The following SHISAL1 variants were observed in gnomAD, a reference collection of about 807,000 sequenced individuals.
SHISAL1 encodes the protein shisa like 1.
A neutral mutation model predicts 22.6 loss-of-function variants in SHISAL1; 9 were observed. That is an observed-to-expected ratio of 0.40 (90% CI 0.24 to 0.70). SHISAL1 has a LOEUF of 0.70. Ranked by LOEUF, SHISAL1 falls within the 30% of genes least tolerant of loss-of-function variation. The probability of loss-of-function intolerance (pLI) is 0.39; values close to 1 mark genes in which losing one functional copy is unlikely to be tolerated. For synonymous variants in SHISAL1, 119 were observed against 115.4 expected (o/e 1.03, Z -0.20); for missense variants, 246 against 270.6 (o/e 0.91, Z 0.64).
chr22:44,329,546 G>A, the SHISAL1 span, among the ~76,000 whole-genome samples: 1 of 152,294 alleles, frequency 6.6e-6, no homozygotes, highest in South Asian at 2.1e-4. Context: ...TGCCAGGAAC[G>A]CAGCGTGAAG....
intron 3 of SHISAL1, among the ~76,000 whole-genome samples, chr22:44,291,953 C>T (rs896751846): frequency 1.3e-5 from 2 of 152,172 alleles, no homozygotes; most frequent in African/African-American, 4.8e-5. Flanking sequence ...CTGCCCCACC[C>T]CTCTCTCTGC....
At chr22:44,321,872 G>A in the SHISAL1 span, among the ~76,000 whole-genome samples, 63 of 152,212 alleles carry the variant, frequency 4.1e-4, no homozygotes, top group African/African-American at 1.2e-3. Flanking sequence ...CCGGCCCTTC[G>A]GAGCACTCTG....
In SHISAL1 at chr22:44,310,549, C is replaced by T. The variant is rs2055511128; in HGVS notation, c.-33+2202G>A. ...TCATCTGTGAAACGGGAGCCGTGCC[C>T]CACACCTTGCAGGTATACCAAACAT... is the stretch of plus-strand genomic sequence containing the variant. On this transcript the variant is annotated intron_variant, in intron 1 of 4. Transcript: ENST00000381176. The surrounding 1 kb of genome is among the most constrained non-coding windows in gnomAD (Gnocchi z 4.0). Among the ~76,000 whole-genome samples, 1 of 152,142 alleles carries T rather than the reference C, an allele frequency of 6.6e-6. No individual in the cohort carries two copies. The highest frequency in any genetic ancestry group is 2.1e-4 in the South Asian group (1 of 4,830).
chr22:44,276,039 G>C lies in SHISAL1; in HGVS notation c.599+9389C>G, dbSNP rs57574007. Among the ~76,000 whole-genome samples the C allele has an allele frequency of 5.9e-3, 896 of 152,302 alleles. 11 individuals are homozygous for C. The highest frequency in any genetic ancestry group is 0.02 in the African/African-American group (841 of 41,550). Reference sequence around the variant, plus strand: ...GAAACACCAATCCCAACTCTCCCGCGTTTTCCATCCAGTGGAGGAGACAGG... The same window carrying C: ...GAAACACCAATCCCAACTCTCCCGCCTTTTCCATCCAGTGGAGGAGACAGG... On this transcript the variant is annotated intron_variant, in intron 4 of 4. Transcript: ENST00000381176.
intron 1 of SHISAL1, among the ~76,000 whole-genome samples, chr22:44,307,465 AC>A (rs1010575494): frequency 1.8e-4 from 28 of 152,136 alleles, no homozygotes; most frequent in African/African-American, 6.5e-4. Context: ...CCTCCTGAGG[AC>A]CCCCAGAAAG....
chr22:44,314,906 G>A (rs1468610996), upstream of SHISAL1, among the ~76,000 whole-genome samples: 1 of 152,182 alleles, frequency 6.6e-6, no homozygotes, highest in Non-Finnish European at 1.5e-5. Context: ...TATGAGGCTA[G>A]AGAGAAAGTA....
At chr22:44,299,258 G>A (rs1055383053) in intron 2 of SHISAL1, among the ~76,000 whole-genome samples, 5 of 152,204 alleles carry the variant, frequency 3.3e-5, no homozygotes, top group African/African-American at 1.2e-4. Flanking sequence ...GCAAAGGAGA[G>A]AGCCGCATTT....
chr22:44,315,174 T>C (rs2055550290), upstream of SHISAL1, among the ~76,000 whole-genome samples: 1 of 152,092 alleles, frequency 6.6e-6, no homozygotes, highest in Non-Finnish European at 1.5e-5. Context: ...CGAGGGCGAA[T>C]ACCAGGAAGC....
chr22:44,331,178 G>A, the SHISAL1 span, among the ~76,000 whole-genome samples: 1 of 152,002 alleles, frequency 6.6e-6, no homozygotes, highest in Non-Finnish European at 1.5e-5. The surrounding 1 kb of genome is among the most constrained non-coding windows in gnomAD (Gnocchi z 5.2). Context: ...ACCTTGGTGA[G>A]CGCCGGCGCG....
chr22:44,299,327 T>C (rs1023963786), intron 2 of SHISAL1, among the ~76,000 whole-genome samples: 22 of 152,180 alleles, frequency 1.4e-4, no homozygotes, highest in Admixed American at 2.6e-4. Flanking sequence ...ACGTAACTCC[T>C]GCATCTGGAT....
rs1274271800 is a variant in SHISAL1, at chr22:44,300,937, A to G, written c.9T>C (p.Ser3=). 4.3e-6 allele frequency: 7 copies of G among 1,614,032 alleles called. No individual in the cohort carries two copies. The highest frequency in any genetic ancestry group is 5.9e-6 in the Non-Finnish European group (7 of 1,179,998). MT[S]CGQQSLNVLA... ...GCACGTTCAAGGACTGCTGGCCACA[A>G]CTGGTCATCGTCTGGCTTGCATTGA... The change falls in exon 2 of 5, where the codon AGT becomes AGC. Residue 3 remains serine, a synonymous_variant. Transcript: ENST00000381176.
At chr22:44,258,908 G>A (rs1358493668) in intron 4 of SHISAL1, among the ~76,000 whole-genome samples, 1 of 152,144 alleles carries the variant, frequency 6.6e-6, no homozygotes, top group African/African-American at 2.4e-5. Flanking sequence ...GGGGGGTCAG[G>A]GGGCAGGTAC....
At chr22:44,254,506 G>A (rs2055071205) in intron 4 of SHISAL1, among the ~76,000 whole-genome samples, 2 of 152,116 alleles carry the variant, frequency 1.3e-5, no homozygotes, top group Non-Finnish European at 2.9e-5. Flanking sequence ...GACTACAGGT[G>A]TGCACCACCA....
rs571575583 is a variant in SHISAL1 at position 44,291,083 on chromosome 22, A to G, written c.282-5338T>C. 5.3e-5 allele frequency among the ~76,000 whole-genome samples: 8 copies of G among 152,328 alleles called. No individual in the cohort carries two copies. The East Asian group carries it at 1.5e-3, about 29-fold the overall frequency. On this transcript the variant is annotated intron_variant, in intron 3 of 4. Coordinates refer to ENST00000381176, the MANE Select transcript of SHISAL1 (RefSeq NM_001099294.2). ...TTGGACAAGTGACGTGCTTTGGCCA[A>G]TAAAACATGAGCAAAAATGCTGTGG...
At chr22:44,291,952 C>T (rs1294783293) in intron 3 of SHISAL1, among the ~76,000 whole-genome samples, 1 of 152,178 alleles carries the variant, frequency 6.6e-6, no homozygotes, top group Non-Finnish European at 1.5e-5. Context: ...CCTGCCCCAC[C>T]CCTCTCTCTG....
chr22:44,296,180 C>T lies in SHISAL1; in HGVS notation c.281+492G>A, dbSNP rs575984005. Among the ~76,000 whole-genome samples, 12 of 135,878 alleles carry T rather than the reference C, an allele frequency of 8.8e-5. No individual in the cohort carries two copies. In the East Asian group the frequency reaches 1.5e-3, roughly 17 times the overall value. 89.1% of individuals were successfully genotyped at this position (135,878 alleles called of 152,430 possible). A position where few individuals can be genotyped will look rare whatever the true frequency, so the allele number is the denominator to read the frequency against. On this transcript the variant is annotated intron_variant, in intron 3 of 4. Transcript: ENST00000381176. ...CCCTCTTTTCTTTTCTTTTTTGAGA[C>T]GGAGTTTCACTCTTGTCACCCAGGC...
intron 4 of SHISAL1, among the ~76,000 whole-genome samples, chr22:44,250,932 G>A (rs74528392): frequency 0.013 from 1,975 of 152,296 alleles, 39 homozygotes; most frequent in African/African-American, 0.044. Context: ...TGAGTGATAC[G>A]CCAAGAGGCA....
chr22:44,292,267 T>C (rs556610196), intron 3 of SHISAL1, among the ~76,000 whole-genome samples: 34 of 152,270 alleles, frequency 2.2e-4, no homozygotes, highest in African/African-American at 5.5e-4. Flanking sequence ...GGGAGTCACA[T>C]TGTCCTAGTC....
At chr22:44,267,061 G>C (rs893782187) in intron 4 of SHISAL1, among the ~76,000 whole-genome samples, 4 of 152,060 alleles carry the variant, frequency 2.6e-5, no homozygotes, top group African/African-American at 9.7e-5. Context: ...TGGAGCCCAC[G>C]GATTGCACCT....
Sources: gnomAD v4.1 joint callset for allele counts (sites outside exome capture counted in the v4.1 genomes callset) on GRCh38, gnomAD v4.1.1 for gene constraint, Gnocchi (gnomAD v3.1) non-coding constraint, MANE v1.5 for transcripts, NCBI Gene and HGNC (gene_info 2026-07-23, HGNC 2026-07-21) for gene names.